Variants in SBF2 observed in about 807,000 individuals in gnomAD.
SBF2 encodes the protein SET binding factor 2, also known as myotubularin-related protein 13.
SBF2 carries 112 observed loss-of-function variants against 225.2 expected under a neutral mutation model. That is an observed-to-expected ratio of 0.50 (90% confidence interval 0.43 to 0.58). The LOEUF is 0.58. SBF2 is among the 20% of genes least tolerant of loss of function. SBF2 has a pLI of 0.00. For missense variants in SBF2, 1,996 were observed against 2,206.2 expected (o/e 0.90, Z 1.91); for synonymous variants, 763 against 773.3 (o/e 0.99, Z 0.22).
chr11:9,992,370 CTAAT>C (rs1371814947), intron 12 of SBF2, 41 bp downstream of exon 12: 12 of 1,532,650 alleles, frequency 7.8e-6, no homozygotes, highest in Admixed American at 1.8e-5. Context: ...AACTACTAGT[CTAAT>C]TATGTCTATA....
rs565468304 is a variant in SBF2 at position 10,160,924 on chromosome 11, T to C, written c.141+32978A>G. 4.6e-5 allele frequency among the ~76,000 whole-genome samples: 7 copies of C among 152,210 alleles called. No homozygotes were observed. In the South Asian group the frequency reaches 1.2e-3, roughly 27 times the overall value. On this transcript the variant is annotated intron_variant, in intron 2 of 39. Coordinates refer to ENST00000256190, the MANE Select transcript of SBF2 (RefSeq NM_030962.4). ...TACCACAAACCTCATTACAGGTTCATGCCTCTAATCCCAGCACTTTGGGAG... is the reference window on the plus strand; with the variant it reads ...TACCACAAACCTCATTACAGGTTCACGCCTCTAATCCCAGCACTTTGGGAG...
intron 1 of SBF2, among the ~76,000 whole-genome samples, chr11:10,238,989 C>T (rs960379478): frequency 2.7e-5 from 4 of 150,606 alleles, no homozygotes; most frequent in African/African-American, 9.7e-5. Flanking sequence ...CTGATGAGAA[C>T]ATGTGAACAA....
intron 2 of SBF2, among the ~76,000 whole-genome samples, chr11:10,050,889 A>G (rs1422283172): frequency 6.6e-6 from 1 of 152,168 alleles, no homozygotes; most frequent in Non-Finnish European, 1.5e-5. Flanking sequence ...TCCATTTAAT[A>G]TTTTTGGACC....
At chr11:10,284,949 T>A (rs1361287876) in intron 1 of SBF2, among the ~76,000 whole-genome samples, 1 of 151,176 alleles carries the variant, frequency 6.6e-6, no homozygotes, top group African/African-American at 2.4e-5. Context: ...AATTATAAAA[T>A]ATAAATATTT....
At chr11:10,115,947 A>C (rs1354007997) in intron 2 of SBF2, among the ~76,000 whole-genome samples, 2 of 152,154 alleles carry the variant, frequency 1.3e-5, no homozygotes, top group Non-Finnish European at 2.9e-5. Flanking sequence ...CAGGCAGATC[A>C]CGAGGTCAGG....
rs574177096 is a variant in SBF2 at position 9,932,957 on chromosome 11, CAAAA to C, written c.1860+28996_1860+28999del. 8.5e-4 allele frequency among the ~76,000 whole-genome samples: 50 copies of C among 58,760 alleles called. 1 individual carries two copies. The highest frequency in any genetic ancestry group is 5.0e-3 in the African/African-American group (46 of 9,164). 38.5% of individuals were successfully genotyped at this position (58,760 alleles called of 152,430 possible). On this transcript the variant is annotated intron_variant, in intron 16 of 39. Transcript: ENST00000256190. ...GGAGATCTACCAAGCAAACGAAAAG[CAAAA>C]AAAAAAAAAAAAAAAAAAAAAAAAA...
In SBF2 at chr11:10,066,132, T is replaced by G. The variant is rs192240786; in HGVS notation, c.142-23151A>C. Among the ~76,000 whole-genome samples the G allele has an allele frequency of 6.8e-4, 104 of 152,032 alleles. 1 individual carries two copies. Among genetic ancestry groups the G allele is most frequent in the African/African-American group, 2.1e-3 (88 of 41,474 alleles). On this transcript the variant is annotated intron_variant, in intron 2 of 39. Coordinates refer to ENST00000256190, the MANE Select transcript of SBF2 (RefSeq NM_030962.4). ...CTTCACTGGTAAATTCTACTAAACA[T>G]TAAAGGTTTTTTCCTTAAAAAAATA...
intron 2 of SBF2, among the ~76,000 whole-genome samples, chr11:10,055,509 A>G (rs7128591): frequency 0.47 from 68,722 of 146,566 alleles, 16,195 homozygotes; most frequent in Admixed American, 0.58. Flanking sequence ...ACAGATGAGT[A>G]AATAAAGAAA....
intron 2 of SBF2, among the ~76,000 whole-genome samples, chr11:10,163,477 C>A (rs1248863559): frequency 6.6e-6 from 1 of 152,036 alleles, no homozygotes; most frequent in African/African-American, 2.4e-5. Context: ...AAAACATACC[C>A]TAATAATGAC....
chr11:10,055,964 T>A (rs2134734491), intron 2 of SBF2, among the ~76,000 whole-genome samples: 1 of 152,180 alleles, frequency 6.6e-6, no homozygotes, highest in Middle Eastern at 3.4e-3. Flanking sequence ...AATATAAAAA[T>A]TTCAAGAAGA....
At chr11:9,833,736 TGGGAAA>T (rs1196397467) in intron 26 of SBF2, among the ~76,000 whole-genome samples, 63 of 150,286 alleles carry the variant, frequency 4.2e-4, no homozygotes, top group Non-Finnish European at 7.5e-4. Flanking sequence ...TTATAAATTT[TGGGAAA>T]ATATACCTAA....
chr11:10,031,692 TC>T (rs1949266107), intron 3 of SBF2, among the ~76,000 whole-genome samples: 1 of 152,198 alleles, frequency 6.6e-6, no homozygotes, highest in Non-Finnish European at 1.5e-5. Flanking sequence ...CACAATCGGC[TC>T]TAAATTGCTT....
In SBF2 at chr11:9,966,959, G is replaced by A. The variant is rs1332835577; in HGVS notation, c.1600+1382C>T. Among the ~76,000 whole-genome samples, 5 of 152,206 alleles carry A rather than the reference G, an allele frequency of 3.3e-5. No homozygotes were observed. The East Asian group carries it at 9.6e-4, about 29-fold the overall frequency. ...TCTACACAAAATCTTGCACATAAAT[G>A]TTCACAGCAGCATTATTCATAATAG... On this transcript the variant is annotated intron_variant, in intron 14 of 39. Coordinates refer to ENST00000256190, the MANE Select transcript of SBF2 (RefSeq NM_030962.4).
chr11:9,794,700 A>AAAAAAAAAC, intron 33 of SBF2, among the ~76,000 whole-genome samples: 1 of 147,068 alleles, frequency 6.8e-6, no homozygotes, highest in Non-Finnish European at 1.5e-5. Flanking sequence ...AAAAAAAAAA[A>AAAAAAAAAC]AAAAAAAGAC....
intron 2 of SBF2, among the ~76,000 whole-genome samples, chr11:10,052,596 T>A (rs983820249): frequency 6.6e-6 from 1 of 152,222 alleles, no homozygotes; most frequent in African/African-American, 2.4e-5. Flanking sequence ...AACACCCGCT[T>A]TGTTTACTTG....
At chr11:10,147,697 A>G (rs898015865) in intron 2 of SBF2, among the ~76,000 whole-genome samples, 5 of 152,310 alleles carry the variant, frequency 3.3e-5, no homozygotes, top group African/African-American at 1.2e-4. Context: ...AAAAACCTGC[A>G]CATGAACCCC....
intron 16 of SBF2, among the ~76,000 whole-genome samples, chr11:9,945,394 T>C (rs1367087884): frequency 3.9e-5 from 6 of 152,086 alleles, no homozygotes; most frequent in Admixed American, 3.9e-4. Context: ...GGCTAGCCAT[T>C]TGCAGAATAT....
chr11:9,839,564 G>A lies in SBF2; in HGVS notation c.3389C>T (p.Ser1130Phe). Residue 1130 changes from serine (S) to phenylalanine (F), a missense_variant, in exon 26 of 40, where the codon TCT (serine) becomes TTT (phenylalanine). Ser to Phe is a radical substitution (Grantham distance 155). Transcript: ENST00000256190. ...RLGLGTISGS[S>F]SRSRPEYFRI... ...AAAATACTCGGGTCTTGAACGGGAA[G>A]AGCTGCCACTTATGGTTCCTAAACC... is the stretch of plus-strand genomic sequence containing the variant. 1 of 1,614,158 alleles carries A rather than the reference G, an allele frequency of 6.2e-7. No homozygotes were observed. The highest frequency in any genetic ancestry group is 8.5e-7 in the Non-Finnish European group (1 of 1,180,022).
Position 9,857,515 on chromosome 11 carries a change from T to C in SBF2, c.2100+711A>G, listed in dbSNP as rs545912611. Among the ~76,000 whole-genome samples, 6 of 152,336 alleles carry C rather than the reference T, an allele frequency of 3.9e-5. No homozygotes were observed. In the South Asian group the frequency reaches 1.2e-3, roughly 32 times the overall value. ...TAAGTTCAATTCATGAGGATGATAG[T>C]TTCTAACACTTATTATTACTGCATA... On this transcript the variant is annotated intron_variant, in intron 18 of 39. Coordinates refer to ENST00000256190, the MANE Select transcript of SBF2 (RefSeq NM_030962.4).
Sources: gnomAD v4.1 joint callset for allele counts (sites outside exome capture counted in the v4.1 genomes callset) on GRCh38, gnomAD v4.1.1 for gene constraint, MANE v1.5 for transcripts, NCBI Gene and HGNC (gene_info 2026-07-23, HGNC 2026-07-21) for gene names.